ZFHX3: variants seen among roughly 807,000 people sequenced by gnomAD.
The protein encoded by ZFHX3 is zinc finger homeobox protein 3.
A neutral mutation model predicts 279.1 loss-of-function variants in ZFHX3; 42 were observed. The observed-to-expected ratio is 0.15, with a 90% confidence interval of 0.12 to 0.19. ZFHX3 has a LOEUF of 0.19. ZFHX3 is among the 10% of genes least tolerant of loss of function. The pLI, the probability that ZFHX3 is intolerant of heterozygous loss-of-function variation, is 1.00. For synonymous variants in ZFHX3, 2,293 were observed against 1,957.8 expected (o/e 1.17, Z -4.52); for missense variants, 4,981 against 4,754.0 (o/e 1.05, Z -1.40).
At chr16:73,735,589 T>G (rs1261072200) in intron 1 of ZFHX3, among the ~76,000 whole-genome samples, 2 of 152,114 alleles carry the variant, frequency 1.3e-5, no homozygotes, top group African/African-American at 4.8e-5. Context: ...CACAAATGTA[T>G]ATGCGATCAC....
chr16:73,526,469 T>C (rs1038862858), intron 2 of ZFHX3, among the ~76,000 whole-genome samples: 26 of 152,336 alleles, frequency 1.7e-4, no homozygotes, highest in African/African-American at 5.5e-4. Flanking sequence ...TCCTTAATGT[T>C]ATACTTTAGC....
intron 2 of ZFHX3, among the ~76,000 whole-genome samples, chr16:73,459,847 C>G (rs1483204323): frequency 1.3e-5 from 2 of 152,176 alleles, no homozygotes; most frequent in African/African-American, 4.8e-5. Flanking sequence ...TGAGAACTCA[C>G]TGACTATCAC....
At chr16:73,858,672 C>T (rs1405992057) in intron 1 of ZFHX3, among the ~76,000 whole-genome samples, 3 of 152,194 alleles carry the variant, frequency 2.0e-5, no homozygotes. Context: ...CAACATTAAA[C>T]TCTTCCACAT....
intron 4 of ZFHX3, among the ~76,000 whole-genome samples, chr16:73,298,211 A>G (rs899466512): frequency 2.7e-5 from 4 of 150,606 alleles, no homozygotes; most frequent in African/African-American, 9.9e-5. Context: ...AACAACAAAA[A>G]TCAGAATTTT....
At chr16:73,616,078 A>G (rs991219737) in intron 2 of ZFHX3, among the ~76,000 whole-genome samples, 1 of 152,048 alleles carries the variant, frequency 6.6e-6, no homozygotes, top group Non-Finnish European at 1.5e-5. Context: ...ATTGTTTTTG[A>G]TAAGACAGTC....
intron 3 of ZFHX3, among the ~76,000 whole-genome samples, chr16:73,437,233 T>G (rs1306355485): frequency 6.6e-6 from 1 of 152,196 alleles, no homozygotes; most frequent in Admixed American, 6.5e-5. Context: ...TGAAAAAACT[T>G]AGGGCCAGAG....
intron 4 of ZFHX3, among the ~76,000 whole-genome samples, chr16:73,298,018 C>T (rs1028949868): frequency 7.3e-6 from 1 of 136,286 alleles, no homozygotes; most frequent in Non-Finnish European, 1.6e-5. Context: ...GACCCTGTCT[C>T]TAAAAAAAAT....
chr16:72,917,280 T>C (rs1219774979), intron 3 of ZFHX3, among the ~76,000 whole-genome samples: 3 of 152,020 alleles, frequency 2.0e-5, no homozygotes, highest in Admixed American at 6.6e-5. Context: ...GAAGCAAAAA[T>C]GAGAAGTTTT....
intron 1 of ZFHX3, among the ~76,000 whole-genome samples, chr16:73,774,564 C>T (rs2054055872): frequency 6.6e-6 from 1 of 152,152 alleles, no homozygotes; most frequent in African/African-American, 2.4e-5. Flanking sequence ...GATGCTAATC[C>T]TAAGTAACAA....
chr16:72,862,553 G>C (rs12596196), intron 4 of ZFHX3, among the ~76,000 whole-genome samples: 4,420 of 152,278 alleles, frequency 0.029, 469 homozygotes, highest in East Asian at 0.2. Context: ...TTTGGGCAAT[G>C]ATCATCAATG....
rs115811305 is a variant in ZFHX3, at chr16:73,097,997, G to A, written c.-896-4399C>T. On this transcript the variant is annotated intron_variant, in intron 7 of 17. Transcript: ENST00000641206. ...TCCCCTGTTGATGGACGCTTGGGTTGTTAGTCTCTTTGGCTATTGGAATAA... is the reference window on the plus strand; with the variant it reads ...TCCCCTGTTGATGGACGCTTGGGTTATTAGTCTCTTTGGCTATTGGAATAA... 5.2e-3 allele frequency among the ~76,000 whole-genome samples: 788 copies of A among 151,538 alleles called. 8 individuals carry two copies. Among genetic ancestry groups the A allele is most frequent in the African/African-American group, 0.018 (743 of 41,296 alleles).
At chr16:73,010,853 G>A (rs1963888107) in intron 1 of ZFHX3, among the ~76,000 whole-genome samples, 1 of 152,154 alleles carries the variant, frequency 6.6e-6, no homozygotes, top group South Asian at 2.1e-4. Flanking sequence ...CACCCAGGCT[G>A]GAGTGCACTG....
chr16:73,422,256 C>T (rs183339206), intron 3 of ZFHX3, among the ~76,000 whole-genome samples: 1 of 151,830 alleles, frequency 6.6e-6, no homozygotes, highest in Admixed American at 6.6e-5. Flanking sequence ...TCTGCTCAAC[C>T]CTTGAATGGG....
intron 3 of ZFHX3, among the ~76,000 whole-genome samples, chr16:73,377,304 C>G (rs112223129): frequency 0.022 from 3,405 of 152,158 alleles, 104 homozygotes; most frequent in African/African-American, 0.077. Context: ...AACAGTGTCC[C>G]CAGTGGTCTC....
At chr16:72,910,625 T>C (rs566279927) in intron 3 of ZFHX3, among the ~76,000 whole-genome samples, 51 of 152,298 alleles carry the variant, frequency 3.3e-4, no homozygotes, top group Admixed American at 2.4e-3. Context: ...CTCTGTTTAA[T>C]GGACACAGGA....
At chr16:73,716,559 C>T (rs1010541898) in intron 1 of ZFHX3, among the ~76,000 whole-genome samples, 1 of 151,556 alleles carries the variant, frequency 6.6e-6, no homozygotes, top group African/African-American at 2.4e-5. Context: ...CCTAAGAGAA[C>T]AATTAAAATT....
intron 1 of ZFHX3, among the ~76,000 whole-genome samples, chr16:73,709,495 G>A (rs1343295050): frequency 6.6e-6 from 1 of 152,148 alleles, no homozygotes; most frequent in Non-Finnish European, 1.5e-5. Flanking sequence ...GGATGAACCT[G>A]GAGGGTATTA....
chr16:73,252,295 T>C (rs2013533516), intron 5 of ZFHX3, among the ~76,000 whole-genome samples: 1 of 152,144 alleles, frequency 6.6e-6, no homozygotes, highest in Non-Finnish European at 1.5e-5. Context: ...GAAAGGCCAA[T>C]GTAGAGGGGC....
intron 1 of ZFHX3, among the ~76,000 whole-genome samples, chr16:73,712,971 C>G (rs914662213): frequency 7.2e-5 from 11 of 152,180 alleles, no homozygotes; most frequent in African/African-American, 2.7e-4. Flanking sequence ...GCTCAGAGCC[C>G]TGGACTTTCC....
Sources: gnomAD v4.1 joint callset for allele counts (sites outside exome capture counted in the v4.1 genomes callset) on GRCh38, gnomAD v4.1.1 for gene constraint, MANE v1.5 for transcripts, NCBI Gene and HGNC (gene_info 2026-07-23, HGNC 2026-07-21) for gene names.